The following PLS1 variants were observed in gnomAD, a reference collection of about 807,000 sequenced individuals.
PLS1 encodes the protein plastin 1, also known as plastin-1.
PLS1 carries 32 observed loss-of-function variants against 73.7 expected under a neutral mutation model. The ratio of observed to expected loss-of-function variants is 0.43; its 90% CI spans 0.33 to 0.58. The LOEUF is 0.58. Ranked by LOEUF, PLS1 falls within the 20% of genes least tolerant of loss-of-function variation. The pLI is 0.04. For missense variants in PLS1, 633 were observed against 740.5 expected, an observed-to-expected ratio of 0.85 and a Z score of 1.68; for synonymous variants, 217 against 261.3, an observed-to-expected ratio of 0.83 and a Z score of 1.63.
chr3:142,627,209 G>A (rs2036448029), intron 1 of PLS1, among the ~76,000 whole-genome samples: 1 of 151,932 alleles, frequency 6.6e-6, no homozygotes, highest in Admixed American at 6.6e-5. Flanking sequence ...ACAGGGAGTT[G>A]GACTAGATGA....
At chr3:142,633,742 A>T (rs2036617361) in intron 1 of PLS1, among the ~76,000 whole-genome samples, 1 of 152,242 alleles carries the variant, frequency 6.6e-6, no homozygotes, top group Non-Finnish European at 1.5e-5. Context: ...CAATAAAAAA[A>T]GTTATAGGAA....
chr3:142,665,086 T>A (rs2037451116), intron 2 of PLS1, among the ~76,000 whole-genome samples: 1 of 151,890 alleles, frequency 6.6e-6, no homozygotes, highest in Non-Finnish European at 1.5e-5. Context: ...TGCCCCTTAC[T>A]CATCAAGCTC....
chr3:142,614,583 T>C (rs1482662932), intron 1 of PLS1, among the ~76,000 whole-genome samples: 1 of 152,076 alleles, frequency 6.6e-6, no homozygotes. Flanking sequence ...ATATATTTGC[T>C]CCAAAATTAA....
At chr3:142,648,792 C>T (rs1314723682) in intron 1 of PLS1, among the ~76,000 whole-genome samples, 2 of 152,128 alleles carry the variant, frequency 1.3e-5, no homozygotes, top group Non-Finnish European at 2.9e-5. Context: ...TGCCATACAT[C>T]CTTCTTGTTC....
rs771440496 is a variant in PLS1 at position 142,686,249 on chromosome 3, G to A, written c.889-35G>A. 81 of 1,227,784 alleles carry A rather than the reference G, an allele frequency of 6.6e-5. 1 individual carries two copies. In the South Asian group the frequency reaches 8.0e-4, roughly 12 times the overall value. The allele number at this position is 1,227,784 out of a possible 1,614,324, so 76.1% of individuals were successfully genotyped here. ...CCTAAATTCAATGATGATTTTATTC[G>A]TTTTAAAAATGCTATTTCATATCTT... On this transcript the variant is annotated intron_variant, in intron 8 of 15. Coordinates refer to ENST00000457734, the MANE Select transcript of PLS1 (RefSeq NM_001145319.2).
rs556412341 is a variant in PLS1, at chr3:142,702,117, C to T, written c.1372-1751C>T. Among the ~76,000 whole-genome samples, 54 of 152,260 alleles carry T rather than the reference C, an allele frequency of 3.5e-4. 1 individual carries two copies. The South Asian group carries it at 8.7e-3, about 25-fold the overall frequency. On this transcript the variant is annotated intron_variant, in intron 12 of 15. Coordinates refer to ENST00000457734, the MANE Select transcript of PLS1 (RefSeq NM_001145319.2). ...GGCTGGAGTGCATGCTATTCACAGG[C>T]GTGATTATAGCACAATACAGCCTTG...
intron 1 of PLS1, among the ~76,000 whole-genome samples, chr3:142,642,354 A>T (rs1310281261): frequency 1.3e-5 from 2 of 152,132 alleles, no homozygotes; most frequent in Non-Finnish European, 2.9e-5. Context: ...TTAGAAGTTT[A>T]GGTTGTTTTC....
intron 1 of PLS1, among the ~76,000 whole-genome samples, chr3:142,605,135 CTCT>C (rs2035996344): frequency 6.6e-6 from 1 of 152,080 alleles, no homozygotes; most frequent in Non-Finnish European, 1.5e-5. Flanking sequence ...GGAAGGCCTT[CTCT>C]TCAGCTGTAG....
chr3:142,673,171 G>A (rs1466548587), intron 4 of PLS1, among the ~76,000 whole-genome samples: 1 of 151,990 alleles, frequency 6.6e-6, no homozygotes, highest in Non-Finnish European at 1.5e-5. Flanking sequence ...CCTCCCAAGT[G>A]CATAACCATG....
intron 1 of PLS1, among the ~76,000 whole-genome samples, chr3:142,598,993 T>C (rs2035862675): frequency 1.3e-5 from 2 of 151,250 alleles, no homozygotes; most frequent in Non-Finnish European, 2.9e-5. Context: ...AGTGCAAGAC[T>C]GCATCTGAAA....
intron 1 of PLS1, among the ~76,000 whole-genome samples, chr3:142,626,845 T>G (rs1448828816): frequency 6.6e-6 from 1 of 152,228 alleles, no homozygotes; most frequent in Non-Finnish European, 1.5e-5. Flanking sequence ...CTGGGTTATA[T>G]AATCTGTTAA....
chr3:142,676,369 T>A, intron 5 of PLS1, 80 bp downstream of exon 5: 1 of 1,322,546 alleles, frequency 7.6e-7, no homozygotes, highest in Non-Finnish European at 1.1e-6. Context: ...CCAATTCAGC[T>A]GTCCATTGTC....
At chr3:142,638,415 A>G (rs1319909025) in intron 1 of PLS1, among the ~76,000 whole-genome samples, 1 of 152,212 alleles carries the variant, frequency 6.6e-6, no homozygotes, top group Admixed American at 6.5e-5. Context: ...TGACACCTGT[A>G]GTAACTGTGG....
intron 6 of PLS1, among the ~76,000 whole-genome samples, chr3:142,680,426 C>A (rs1410149129): frequency 6.6e-6 from 1 of 152,156 alleles, no homozygotes; most frequent in Non-Finnish European, 1.5e-5. Context: ...AATGAAGATT[C>A]AAGGTACTTT....
In PLS1 at chr3:142,711,941, G is replaced by A; in HGVS notation, c.1824G>A (p.Val608=). The A allele has an allele frequency of 6.2e-7, 1 of 1,613,106 alleles. No individual in the cohort carries two copies. The highest frequency in any genetic ancestry group is 8.5e-7 in the Non-Finnish European group (1 of 1,179,074). The stretch of plus-strand genomic sequence containing the variant: ...CATTACCTGATGACCTCGTAGAAGT[G>A]AAACCAAAGATGGTTATGACGGTGT... ...IYALPDDLVE[V]KPKMVMTVFA... Residue 608 remains valine, a synonymous_variant, in exon 16 of 16, where the codon GTG becomes GTA. Transcript: ENST00000457734.
intron 1 of PLS1, among the ~76,000 whole-genome samples, chr3:142,609,770 T>A (rs1474238283): frequency 6.6e-6 from 1 of 152,256 alleles, no homozygotes; most frequent in African/African-American, 2.4e-5. Flanking sequence ...GATTTCCATT[T>A]GTGGATATGG....
intron 6 of PLS1, among the ~76,000 whole-genome samples, chr3:142,679,774 T>C (rs2037807997): frequency 6.6e-6 from 1 of 152,206 alleles, no homozygotes. Flanking sequence ...TTTGGTTCCA[T>C]ATGAACTTTA....
At chr3:142,618,314 C>A (rs943813309) in intron 1 of PLS1, among the ~76,000 whole-genome samples, 1 of 152,152 alleles carries the variant, frequency 6.6e-6, no homozygotes, top group Non-Finnish European at 1.5e-5. Context: ...CGTGGACAAT[C>A]CAAGGCCAAG....
chr3:142,637,856 C>T lies in PLS1; in HGVS notation c.-36-26346C>T, dbSNP rs183082693. ...AGATAAACAACATGCCAGGCCCCCC[C>T]GCCCCCTCTCTCTCTCTATATATAT... On this transcript the variant is annotated intron_variant, in intron 1 of 15. Transcript: ENST00000457734. 1.6e-4 allele frequency among the ~76,000 whole-genome samples: 25 copies of T among 152,080 alleles called. No homozygotes were observed. The East Asian group carries it at 2.5e-3, about 15-fold the overall frequency.
Sources: allele counts gnomAD v4.1 joint callset (sites outside exome capture counted in the v4.1 genomes callset), GRCh38; gene constraint gnomAD v4.1.1; transcripts MANE v1.5; gene names NCBI Gene and HGNC (gene_info 2026-07-23, HGNC 2026-07-21).